The following CNGB3 variants were observed in gnomAD, a reference collection of about 807,000 sequenced individuals.
The protein encoded by CNGB3 is cyclic nucleotide gated channel subunit beta 3.
A neutral mutation model predicts 92.8 loss-of-function variants in CNGB3; 86 were observed. The ratio of observed to expected loss-of-function variants is 0.93; its 90% CI spans 0.78 to 1.11. The LOEUF is 1.11. CNGB3 is among the 50% of genes least tolerant of loss of function. The pLI is 0.00. For synonymous variants in CNGB3, 333 were observed against 332.7 expected (o/e 1.00, Z -0.01); for missense variants, 1,026 against 956.8 (o/e 1.07, Z -0.95).
chr8:86,578,688 C>T lies in CNGB3; in HGVS notation c.2103+1G>A, dbSNP rs1554604767. 2 of 1,613,822 alleles carry T rather than the reference C, an allele frequency of 1.2e-6. No homozygotes were observed. The highest frequency in any genetic ancestry group is 2.2e-5 in the East Asian group (1 of 44,870). ...GCCGTCCATTCACTCCACCTTATTACCTGAGCTGCTTGCTCTCGCTTCAAT... is the reference window on the plus strand; with the variant it reads ...GCCGTCCATTCACTCCACCTTATTATCTGAGCTGCTTGCTCTCGCTTCAAT... On this transcript the variant is annotated splice_donor_variant, in intron 17 of 17. Coordinates refer to ENST00000320005, the MANE Select transcript of CNGB3 (RefSeq NM_019098.5). LOFTEE classifies it high-confidence loss of function.
At chr8:86,704,879 T>C (rs1284941050) in intron 3 of CNGB3, among the ~76,000 whole-genome samples, 5 of 152,182 alleles carry the variant, frequency 3.3e-5, no homozygotes, top group African/African-American at 1.2e-4. Flanking sequence ...TACCGTCTAT[T>C]TTTTTCTTTT....
chr8:86,668,244 C>G (rs1171107691), intron 4 of CNGB3, 76 bp from the exon 5 acceptor site: 1 of 1,454,058 alleles, frequency 6.9e-7, no homozygotes, highest in Non-Finnish European at 9.5e-7. Context: ...AATTTCTTAA[C>G]CAAACACCGC....
intron 2 of CNGB3, among the ~76,000 whole-genome samples, chr8:86,737,470 C>T (rs1185072019): frequency 6.6e-6 from 1 of 151,982 alleles, no homozygotes; most frequent in Admixed American, 6.6e-5. Flanking sequence ...GAGAGTGGGG[C>T]CATTTGTTCA....
At chr8:86,646,115 C>A (rs761567730) in intron 8 of CNGB3, among the ~76,000 whole-genome samples, 47 of 150,944 alleles carry the variant, frequency 3.1e-4, no homozygotes, top group Non-Finnish European at 5.9e-4. Context: ...CAGATAAACT[C>A]CTAAATCTAT....
At chr8:86,669,952 G>A (rs1350473316) in intron 4 of CNGB3, among the ~76,000 whole-genome samples, 1 of 151,962 alleles carries the variant, frequency 6.6e-6, no homozygotes, top group Non-Finnish European at 1.5e-5. Flanking sequence ...CTGGGTTCAA[G>A]CGATTCCCCT....
intron 3 of CNGB3, among the ~76,000 whole-genome samples, chr8:86,687,356 A>G (rs572762061): frequency 6.6e-6 from 1 of 152,198 alleles, no homozygotes; most frequent in African/African-American, 2.4e-5. Context: ...TCAGCCATAT[A>G]AAAGAATGAA....
At chr8:86,585,246 C>T (rs550727517) in intron 15 of CNGB3, among the ~76,000 whole-genome samples, 5 of 152,074 alleles carry the variant, frequency 3.3e-5, no homozygotes, top group African/African-American at 4.8e-5. Context: ...TACACACATA[C>T]ATTTTCACAT....
At chr8:86,689,506 TATA>T (rs961635443) in intron 3 of CNGB3, among the ~76,000 whole-genome samples, 12 of 150,580 alleles carry the variant, frequency 8.0e-5, no homozygotes, top group Admixed American at 3.3e-4. Flanking sequence ...ATTATATATA[TATA>T]TTTTTTTTAC....
At position 86,578,684 on chromosome 8, in the gene CNGB3, A is replaced by T; in HGVS notation, c.2103+5T>A. The T allele has an allele frequency of 6.2e-7, 1 of 1,613,666 alleles. No homozygotes were observed. The highest frequency in any genetic ancestry group is 1.3e-5 in the African/African-American group (1 of 75,010). ...GACAGCCGTCCATTCACTCCACCTT[A>T]TTACCTGAGCTGCTTGCTCTCGCTT... On this transcript the variant is annotated splice_donor_5th_base_variant and intron_variant, in intron 17 of 17. Transcript: ENST00000320005.
rs558279560 is a variant in CNGB3 at position 86,717,917 on chromosome 8, G to A, written c.338+8614C>T. Among the ~76,000 whole-genome samples the A allele has an allele frequency of 2.0e-5, 3 of 152,206 alleles. No individual in the cohort carries two copies. The East Asian group carries it at 5.8e-4, about 29-fold the overall frequency. ...AATGACCTGTTCCTGAATGATCACTGGGTCAACAACGAAATCAAGATGAAA... is the reference window on the plus strand; with the variant it reads ...AATGACCTGTTCCTGAATGATCACTAGGTCAACAACGAAATCAAGATGAAA... On this transcript the variant is annotated intron_variant, in intron 3 of 17. Coordinates refer to ENST00000320005, the MANE Select transcript of CNGB3 (RefSeq NM_019098.5).
intron 4 of CNGB3, 40 bp downstream of exon 4, chr8:86,670,904 C>T (rs1465594819): frequency 1.2e-6 from 2 of 1,609,430 alleles, no homozygotes; most frequent in African/African-American, 2.7e-5. Flanking sequence ...GTCCCCTCAG[C>T]ACTTCTTTCT....
At chr8:86,719,987 A>C (rs1344471569) in intron 3 of CNGB3, among the ~76,000 whole-genome samples, 1 of 152,176 alleles carries the variant, frequency 6.6e-6, no homozygotes, top group Non-Finnish European at 1.5e-5. Flanking sequence ...ACCTTATACA[A>C]AAATCAACTC....
chr8:86,597,328 G>A (rs28582700), intron 15 of CNGB3, among the ~76,000 whole-genome samples: 98,673 of 152,000 alleles, frequency 0.65, 34,557 homozygotes, highest in Non-Finnish European at 0.78. Context: ...CTGCCCTCCC[G>A]GTTCCTCTTT....
At chr8:86,659,267 C>A (rs970793682) in intron 6 of CNGB3, 11 of 796,738 alleles carry the variant, frequency 1.4e-5, no homozygotes, top group Non-Finnish European at 2.5e-5. Context: ...CCATCTGTAG[C>A]TGTTTCAGCA....
chr8:86,699,949 C>T (rs948544824), intron 3 of CNGB3, among the ~76,000 whole-genome samples: 1 of 152,082 alleles, frequency 6.6e-6, no homozygotes, highest in East Asian at 1.9e-4. Context: ...CATCCAATCT[C>T]TCTTTCTTTC....
At chr8:86,694,673 T>C (rs1586021567) in intron 3 of CNGB3, among the ~76,000 whole-genome samples, 2 of 123,230 alleles carry the variant, frequency 1.6e-5, no homozygotes, top group Admixed American at 8.4e-5. Flanking sequence ...GGCGGCGGGG[T>C]AGAGGCGCTC....
chr8:86,624,059 C>T (rs535905760), intron 13 of CNGB3, among the ~76,000 whole-genome samples: 9 of 152,202 alleles, frequency 5.9e-5, no homozygotes, highest in Non-Finnish European at 1.0e-4. Flanking sequence ...CCTGTTCAAA[C>T]TGGTCTTGAA....
chr8:86,682,018 T>C (rs1445378867), intron 3 of CNGB3, among the ~76,000 whole-genome samples: 4 of 152,118 alleles, frequency 2.6e-5, no homozygotes, highest in African/African-American at 9.7e-5. Context: ...AAGGTAAAAA[T>C]GTTTAAAAAG....
At chr8:86,734,279 G>A (rs1292884609) in intron 2 of CNGB3, among the ~76,000 whole-genome samples, 1 of 152,122 alleles carries the variant, frequency 6.6e-6, no homozygotes, top group Non-Finnish European at 1.5e-5. Flanking sequence ...ATAGGGACCT[G>A]GGCAAGGCTG....
Sources: gnomAD v4.1 joint callset for allele counts (sites outside exome capture counted in the v4.1 genomes callset) on GRCh38, gnomAD v4.1.1 for gene constraint, MANE v1.5 for transcripts, NCBI Gene and HGNC (gene_info 2026-07-23, HGNC 2026-07-21) for gene names.